GALM: variants seen among roughly 807,000 people sequenced by gnomAD.
GALM encodes aldose 1-epimerase.
GALM carries 43 observed loss-of-function variants against 37.4 expected under a neutral mutation model. The observed-to-expected ratio is 1.15, with a 90% CI of 0.90 to 1.48. GALM has a LOEUF of 1.48. GALM is among the 40% of genes most tolerant of loss of function. The probability of loss-of-function intolerance (pLI) is 0.00; values close to 1 mark genes in which losing one functional copy is unlikely to be tolerated. For missense variants in GALM, 456 were observed against 419.1 expected, an observed-to-expected ratio of 1.09 and a Z score of -0.77; for synonymous variants, 199 against 170.6, an observed-to-expected ratio of 1.17 and a Z score of -1.30.
chr2:38,671,780 T>G (rs1218959534), intron 1 of GALM, among the ~76,000 whole-genome samples: 1 of 152,044 alleles, frequency 6.6e-6, no homozygotes, highest in African/African-American at 2.4e-5. Context: ...TCACTTGAGC[T>G]CAGGAGTTCA....
chr2:38,696,181 G>T (rs1467640130), intron 4 of GALM, among the ~76,000 whole-genome samples: 1 of 150,448 alleles, frequency 6.6e-6, no homozygotes, highest in African/African-American at 2.4e-5. Flanking sequence ...GTGCAATGGC[G>T]TGATCTCAGC....
In GALM at chr2:38,733,566, G is replaced by A; in HGVS notation, c.*1G>A. On this transcript the variant is annotated 3_prime_UTR_variant, in exon 7 of 7. Coordinates refer to ENST00000272252, the MANE Select transcript of GALM (RefSeq NM_138801.3). ...CTGGTTCAAGTTTTCTGTGGCTTAA[G>A]GAAGTGTGAAGATATGATCCAGTCC... 1 of 1,611,764 alleles carries A rather than the reference G, an allele frequency of 6.2e-7. No homozygotes were observed. The highest frequency in any genetic ancestry group is 8.5e-7 in the Non-Finnish European group (1 of 1,177,904).
At position 38,734,671 on chromosome 2, in the gene GALM, G is replaced by C. The variant is rs939777534; in HGVS notation, c.*1106G>C. The C allele has an allele frequency of 5.3e-5, 7 of 132,112 alleles. No individual in the cohort carries two copies. Among genetic ancestry groups the C allele is most frequent in the African/African-American group, 1.8e-4 (6 of 34,274 alleles). The allele number at this position is 132,112 out of a possible 1,614,324, so 8.2% of individuals were successfully genotyped here. ...CTAGACAATCAAAGTATCAGTGATG[G>C]GTTTTGGTTGGTGATTTTGAAAAAA... On this transcript the variant is annotated 3_prime_UTR_variant, in exon 7 of 7. Transcript: ENST00000272252.
chr2:38,733,220 CAA>C (rs10555489), intron 6 of GALM, among the ~76,000 whole-genome samples: 34,588 of 123,668 alleles, frequency 0.28, 4,410 homozygotes, highest in African/African-American at 0.31. Context: ...GACTCCATCT[CAA>C]AAAAAAAAAA....
intron 1 of GALM, among the ~76,000 whole-genome samples, chr2:38,674,710 T>C (rs1184983281): frequency 6.6e-6 from 1 of 152,120 alleles, no homozygotes; most frequent in African/African-American, 2.4e-5. Flanking sequence ...AAGAATAAGA[T>C]CGCTTCCCCT....
chr2:38,700,945 C>A (rs1040798028), intron 4 of GALM, among the ~76,000 whole-genome samples: 1 of 152,122 alleles, frequency 6.6e-6, no homozygotes, highest in African/African-American at 2.4e-5. Flanking sequence ...ATTATCATTT[C>A]ACTTCCAGAT....
intron 2 of GALM, among the ~76,000 whole-genome samples, chr2:38,677,113 G>A (rs1179578252): frequency 6.6e-6 from 1 of 152,232 alleles, no homozygotes; most frequent in African/African-American, 2.4e-5. Flanking sequence ...CCCTGGGGTG[G>A]GAGTGCTTGG....
intron 4 of GALM, among the ~76,000 whole-genome samples, chr2:38,719,002 C>G (rs756765002): frequency 1.3e-4 from 19 of 151,860 alleles, no homozygotes; most frequent in Non-Finnish European, 2.6e-4. Context: ...ACTTTCTACC[C>G]CATTTCTTCA....
intron 4 of GALM, among the ~76,000 whole-genome samples, chr2:38,709,012 T>C (rs1218036791): frequency 1.3e-5 from 2 of 151,834 alleles, no homozygotes; most frequent in Non-Finnish European, 2.9e-5. Flanking sequence ...AGGCAAATGG[T>C]GGGATGACCT....
chr2:38,675,128 T>C (rs1192010836), intron 1 of GALM, among the ~76,000 whole-genome samples: 1 of 152,018 alleles, frequency 6.6e-6, no homozygotes, highest in Non-Finnish European at 1.5e-5. Context: ...TTAGCCGAGA[T>C]GGGGCCACTG....
chr2:38,677,755 G>C (rs1665293465), intron 2 of GALM, among the ~76,000 whole-genome samples: 1 of 152,162 alleles, frequency 6.6e-6, no homozygotes. Flanking sequence ...GTGAAGCAGG[G>C]GGCACAGTAG....
intron 4 of GALM, among the ~76,000 whole-genome samples, chr2:38,694,733 A>G (rs1166074539): frequency 7.9e-5 from 12 of 151,868 alleles, no homozygotes; most frequent in Non-Finnish European, 2.9e-5. Context: ...CGTCTCTACT[A>G]AAAATACAAA....
At chr2:38,684,329 T>C (rs1278009449) in intron 3 of GALM, among the ~76,000 whole-genome samples, 1 of 152,186 alleles carries the variant, frequency 6.6e-6, no homozygotes, top group Non-Finnish European at 1.5e-5. Context: ...TATTTTTCTG[T>C]TCCTTCCTGT....
At chr2:38,727,602 CT>C (rs1183023771) in intron 4 of GALM, among the ~76,000 whole-genome samples, 1 of 151,890 alleles carries the variant, frequency 6.6e-6, no homozygotes, top group Non-Finnish European at 1.5e-5. Flanking sequence ...TGGTGCGTGC[CT>C]GTAGTCCCAG....
intron 5 of GALM, among the ~76,000 whole-genome samples, chr2:38,731,447 C>G (rs938229473): frequency 1.3e-5 from 2 of 151,106 alleles, no homozygotes; most frequent in Non-Finnish European, 2.9e-5. Context: ...GGACCTTCCT[C>G]TCTCCAACCT....
chr2:38,727,218 G>GAAA (rs397868719), intron 4 of GALM, among the ~76,000 whole-genome samples: 1 of 113,782 alleles, frequency 8.8e-6, no homozygotes, highest in Non-Finnish European at 1.9e-5. Flanking sequence ...TCCGTCTCAA[G>GAAA]AAAAAAAAAA....
In GALM at chr2:38,711,308, C is replaced by T. The variant is rs1666149504; in HGVS notation, c.635-18248C>T. Among the ~76,000 whole-genome samples the T allele has an allele frequency of 2.0e-5, 3 of 152,032 alleles. No individual in the cohort carries two copies. In the South Asian group the frequency reaches 6.2e-4, roughly 32 times the overall value. On this transcript the variant is annotated intron_variant, in intron 4 of 6. Coordinates refer to ENST00000272252, the MANE Select transcript of GALM (RefSeq NM_138801.3). ...CTGAGTAGCTGGGATTACAGGCGCG[C>T]ACCACCACACCTGGCTAATTTTTGT...
At chr2:38,689,109 C>T (rs545235279) in intron 3 of GALM, among the ~76,000 whole-genome samples, 9 of 152,250 alleles carry the variant, frequency 5.9e-5, no homozygotes, top group South Asian at 4.1e-4. Context: ...CATGAGCCAC[C>T]GCGCCCGGCC....
chr2:38,687,785 C>T (rs75150715), intron 3 of GALM, among the ~76,000 whole-genome samples: 2,775 of 151,994 alleles, frequency 0.018, 82 homozygotes, highest in African/African-American at 0.062. Context: ...CAGTTTCTGT[C>T]GTGTTTAGAC....
Sources: allele counts gnomAD v4.1 joint callset (sites outside exome capture counted in the v4.1 genomes callset), GRCh38; gene constraint gnomAD v4.1.1; transcripts MANE v1.5; gene names NCBI Gene and HGNC (gene_info 2026-07-23, HGNC 2026-07-21).